The following DMD variants were observed in gnomAD, a reference collection of about 807,000 sequenced individuals.
DMD encodes dystrophin.
In DMD, 63 loss-of-function variants were observed where a neutral mutation model predicts 330.1. The observed-to-expected ratio is 0.19, with a 90% CI of 0.16 to 0.24. The LOEUF (loss-of-function observed/expected upper bound fraction) is 0.24. DMD is among the 10% of genes least tolerant of loss of function. The pLI is 1.00. For missense variants in DMD, 3,344 were observed against 2,684.1 expected, an observed-to-expected ratio of 1.25 and a Z score of -5.43; for synonymous variants, 1,223 against 959.8, an observed-to-expected ratio of 1.27 and a Z score of -5.07.
At chrX:32,686,485 G>A (rs1258734455) in intron 9 of DMD, among the ~76,000 whole-genome samples, 2 of 104,111 alleles carry the variant, frequency 1.9e-5, no homozygotes, top group Admixed American at 1.1e-4. Context: ...CTTGAACCCA[G>A]GAGGCAGAGG....
chrX:32,044,702 G>A (rs187698810), intron 44 of DMD, among the ~76,000 whole-genome samples: 3 of 111,658 alleles, frequency 2.7e-5, no homozygotes, highest in African/African-American at 6.5e-5. Flanking sequence ...GATTACAGGC[G>A]TGAGCCTCCG....
chrX:31,446,001 G>A (rs1224779896), intron 59 of DMD, among the ~76,000 whole-genome samples: 1 of 111,729 alleles, frequency 9.0e-6, no homozygotes, highest in Non-Finnish European at 1.9e-5. Context: ...ATCTGGGCAG[G>A]TGTTATTTCT....
intron 60 of DMD, among the ~76,000 whole-genome samples, chrX:31,410,356 T>C (rs748808917): frequency 1.4e-4 from 16 of 111,907 alleles, no homozygotes; most frequent in Non-Finnish European, 2.6e-4. Context: ...ATCGTGCTTC[T>C]AGTGAGAAAT....
At chrX:32,398,531 G>A (rs748462629) in intron 30 of DMD, among the ~76,000 whole-genome samples, 2 of 110,800 alleles carry the variant, frequency 1.8e-5, no homozygotes, top group Non-Finnish European at 3.8e-5. Flanking sequence ...ATCTCCAGCA[G>A]AGAAGTAAAG....
At chrX:33,132,282 T>C (rs2095503979) in intron 1 of DMD, among the ~76,000 whole-genome samples, 2 of 112,165 alleles carry the variant, frequency 1.8e-5, no homozygotes, top group South Asian at 7.4e-4. Flanking sequence ...CTCTTTTGGA[T>C]ATCTCCCTTA....
intron 50 of DMD, among the ~76,000 whole-genome samples, chrX:31,819,335 G>A (rs73619009): frequency 8.9e-6 from 1 of 112,382 alleles, no homozygotes; most frequent in African/African-American, 3.2e-5. Flanking sequence ...ACTAAAAATG[G>A]GAGAGCTCTT....
At chrX:32,201,469 A>AACC (rs2097037261) in intron 44 of DMD, among the ~76,000 whole-genome samples, 30 of 48,437 alleles carry the variant, frequency 6.2e-4, no homozygotes, top group Non-Finnish European at 8.1e-4. Flanking sequence ...AAATTCAAAC[A>AACC]CCCCCCCCCC....
chrX:32,666,833 A>C (rs2061334963), intron 9 of DMD, among the ~76,000 whole-genome samples: 1 of 108,694 alleles, frequency 9.2e-6, no homozygotes, highest in South Asian at 4.0e-4. Flanking sequence ...TCTCCAAAAA[A>C]AAAAAAACAG....
Position 31,561,270 on chromosome X carries a change from C to T in DMD, c.8218-53817G>A, listed in dbSNP as rs1161382574. ...GCCAAATTTGCAGCTGCCACACTCT[C>T]CCAAAATCCCAGTTCACCTCAGGGA... On this transcript the variant is annotated intron_variant, in intron 55 of 78. Coordinates refer to ENST00000357033, the MANE Select transcript of DMD (RefSeq NM_004006.3). Among the ~76,000 whole-genome samples the T allele has an allele frequency of 4.2e-4, 47 of 112,031 alleles. No individual in the cohort carries two copies. The Admixed American group carries it at 4.4e-3, about 11-fold the overall frequency.
chrX:31,813,456 T>A (rs905983266), intron 50 of DMD, among the ~76,000 whole-genome samples: 2 of 111,345 alleles, frequency 1.8e-5, no homozygotes, highest in Non-Finnish European at 3.8e-5. Context: ...TCTCATGAGA[T>A]CTGATGGTTT....
chrX:33,259,600 C>CCCA (rs1569559250), intron 1 of DMD, among the ~76,000 whole-genome samples: 16 of 58,254 alleles, frequency 2.7e-4, no homozygotes, highest in African/African-American at 1.0e-3. Context: ...CAAAATCGCC[C>CCCA]CCCCCCCCCA....
intron 46 of DMD, among the ~76,000 whole-genome samples, chrX:31,931,471 AACC>A (rs1264830552): frequency 9.0e-6 from 1 of 110,537 alleles, no homozygotes; most frequent in African/African-American, 3.3e-5. Flanking sequence ...ATGGAATGTG[AACC>A]AACACCACGT....
At chrX:32,020,479 A>AG (rs1417469947) in intron 44 of DMD, among the ~76,000 whole-genome samples, 3 of 112,210 alleles carry the variant, frequency 2.7e-5, no homozygotes, top group Non-Finnish European at 3.8e-5. Flanking sequence ...GGGCCTTTAA[A>AG]GGGGTAATTA....
intron 41 of DMD, among the ~76,000 whole-genome samples, chrX:32,323,622 G>A (rs1024685588): frequency 2.7e-5 from 3 of 111,271 alleles, no homozygotes; most frequent in African/African-American, 6.5e-5. Context: ...TAATTTTGGC[G>A]CAACACTACA....
chrX:32,231,282 G>A (rs1261948239), intron 43 of DMD, among the ~76,000 whole-genome samples: 1 of 112,324 alleles, frequency 8.9e-6, no homozygotes, highest in African/African-American at 3.2e-5. Context: ...TTTTGATTTC[G>A]AGGCAAGTAA....
intron 1 of DMD, among the ~76,000 whole-genome samples, chrX:33,219,932 G>A (rs1004262757): frequency 9.0e-5 from 10 of 110,786 alleles, no homozygotes; most frequent in Non-Finnish European, 1.7e-4. Flanking sequence ...CATATAGGCA[G>A]GCTGATGAGA....
chrX:31,598,969 G>A (rs1569553677), intron 55 of DMD, among the ~76,000 whole-genome samples: 1 of 111,505 alleles, frequency 9.0e-6, no homozygotes, highest in East Asian at 2.8e-4. Flanking sequence ...CATTTTTCAT[G>A]GAGGCTTTTA....
intron 7 of DMD, among the ~76,000 whole-genome samples, chrX:32,777,104 C>A (rs1467228147): frequency 9.3e-6 from 1 of 107,018 alleles, no homozygotes; most frequent in African/African-American, 3.4e-5. Context: ...GCAACACGCT[C>A]CACAATTATC....
chrX:32,196,583 T>G (rs2097001483), intron 44 of DMD, among the ~76,000 whole-genome samples: 1 of 112,148 alleles, frequency 8.9e-6, no homozygotes. Flanking sequence ...TGAGTTGTCT[T>G]CATTATTTCT....
Sources: allele counts gnomAD v4.1 joint callset (sites outside exome capture counted in the v4.1 genomes callset), GRCh38; gene constraint gnomAD v4.1.1; transcripts MANE v1.5; gene names NCBI Gene and HGNC (gene_info 2026-07-23, HGNC 2026-07-21).